MTHFD1L: variants seen among roughly 807,000 people sequenced by gnomAD.
MTHFD1L encodes the protein monofunctional C1-tetrahydrofolate synthase, mitochondrial.
Under a neutral mutation model 119.5 loss-of-function variants are expected in MTHFD1L, and 81 were observed. The observed-to-expected ratio is 0.68, with a 90% confidence interval of 0.57 to 0.82. MTHFD1L has a LOEUF of 0.82. Ranked by LOEUF, MTHFD1L falls within the 40% of genes least tolerant of loss-of-function variation. The pLI, the probability that MTHFD1L is intolerant of heterozygous loss-of-function variation, is 0.00. For synonymous variants in MTHFD1L, 430 were observed against 475.2 expected (o/e 0.90, Z 1.24); for missense variants, 1,125 against 1,253.4 (o/e 0.90, Z 1.55).
chr6:150,867,023 T>C (rs1291036418), intron 1 of MTHFD1L, among the ~76,000 whole-genome samples: 1 of 152,200 alleles, frequency 6.6e-6, no homozygotes, highest in African/African-American at 2.4e-5. Context: ...TCTAGCCTTC[T>C]TTCTTAGTCA....
At chr6:150,992,191 C>T (rs1779148300) in intron 20 of MTHFD1L, among the ~76,000 whole-genome samples, 1 of 152,128 alleles carries the variant, frequency 6.6e-6, no homozygotes, top group Admixed American at 6.6e-5. Context: ...AGGACTCCTT[C>T]GTCAGTAAGA....
intron 20 of MTHFD1L, among the ~76,000 whole-genome samples, chr6:150,998,814 T>G: frequency 1.1e-5 from 1 of 90,468 alleles, no homozygotes; most frequent in Non-Finnish European, 2.0e-5. Flanking sequence ...CTGTCTCCTC[T>G]AAAAATACAA....
intron 20 of MTHFD1L, among the ~76,000 whole-genome samples, chr6:151,008,920 C>G (rs1781786634): frequency 6.6e-6 from 1 of 150,834 alleles, no homozygotes; most frequent in South Asian, 2.1e-4. Flanking sequence ...ACTTTGAGAC[C>G]AGCCTGGCCA....
chr6:150,892,437 T>A (rs1783459522), intron 7 of MTHFD1L, among the ~76,000 whole-genome samples: 1 of 152,224 alleles, frequency 6.6e-6, no homozygotes, highest in South Asian at 2.1e-4. Context: ...GTAACATTCT[T>A]GTTTTCATAT....
At chr6:151,037,542 C>T (rs114806933) in intron 26 of MTHFD1L, among the ~76,000 whole-genome samples, 3 of 152,216 alleles carry the variant, frequency 2.0e-5, no homozygotes, top group African/African-American at 4.8e-5. Flanking sequence ...GAAAGCAGTC[C>T]TCACCCTCTC....
At chr6:151,083,534 T>C (rs1042432459) in intron 26 of MTHFD1L, among the ~76,000 whole-genome samples, 4 of 152,200 alleles carry the variant, frequency 2.6e-5, no homozygotes, top group Admixed American at 6.5e-5. Context: ...GGCCTTTCTT[T>C]TATCTTTCTG....
intron 18 of MTHFD1L, among the ~76,000 whole-genome samples, chr6:150,961,488 G>A (rs184058532): frequency 1.3e-3 from 192 of 152,320 alleles, no homozygotes; most frequent in African/African-American, 4.4e-3. Flanking sequence ...AGGCCTCTAA[G>A]ATAGCCATTA....
rs1279035525 is a variant in MTHFD1L at position 150,926,307 on chromosome 6, T to A, written c.1256+12T>A. 1 of 1,600,564 alleles carries A rather than the reference T, an allele frequency of 6.2e-7. No homozygotes were observed. The highest frequency in any genetic ancestry group is 8.5e-7 in the Non-Finnish European group (1 of 1,169,898). The stretch of plus-strand genomic sequence containing the variant: ...GTCTTAGTTGCTGGGTAAGACACCA[T>A]CTAACATCTACTTGATCAAGCAGAC... On this transcript the variant is annotated intron_variant, in intron 11 of 27. Coordinates refer to ENST00000367321, the MANE Select transcript of MTHFD1L (RefSeq NM_015440.5). This position sits in a 1 kb window ranked among gnomAD's most constrained non-coding sequence, Gnocchi z 4.3.
At chr6:151,016,659 G>A (rs544010358) in intron 24 of MTHFD1L, 50 of 169,214 alleles carry the variant, frequency 3.0e-4, no homozygotes, top group Non-Finnish European at 4.8e-4. Context: ...TTTCTCTTGT[G>A]GTTTTATTGA....
At position 150,866,477 on chromosome 6, in the gene MTHFD1L, C is replaced by T. The variant is rs555370285; in HGVS notation, c.227+428C>T. On this transcript the variant is annotated intron_variant, in intron 1 of 27. Coordinates refer to ENST00000367321, the MANE Select transcript of MTHFD1L (RefSeq NM_015440.5). ...GCTGCGGCTCGGCGCGCCGGCTGGC[C>T]CGGGGTTCGGGAAGGGCAAGCGGAG... is the stretch of plus-strand genomic sequence containing the variant. The T allele has an allele frequency of 1.7e-4, 218 of 1,317,958 alleles. 2 individuals carry two copies. In the East Asian group the frequency reaches 5.2e-3, roughly 32 times the overall value. 81.6% of individuals were successfully genotyped at this position (1,317,958 alleles called of 1,614,324 possible).
intron 25 of MTHFD1L, among the ~76,000 whole-genome samples, chr6:151,036,133 G>A (rs895776979): frequency 6.6e-6 from 1 of 152,186 alleles, no homozygotes; most frequent in Non-Finnish European, 1.5e-5. Flanking sequence ...TAAAAGTGAT[G>A]TCAACCGGGC....
At chr6:150,990,055 G>A (rs1188314342) in intron 20 of MTHFD1L, among the ~76,000 whole-genome samples, 1 of 152,212 alleles carries the variant, frequency 6.6e-6, no homozygotes, top group African/African-American at 2.4e-5. Flanking sequence ...AAGGTGGGCA[G>A]ATCACTTGAG....
At chr6:150,920,929 C>T (rs1241985059) in intron 9 of MTHFD1L, among the ~76,000 whole-genome samples, 4 of 144,072 alleles carry the variant, frequency 2.8e-5, no homozygotes, top group African/African-American at 5.2e-5. Context: ...CATGCCACCA[C>T]ACCCAGATAA....
At chr6:150,866,480 G>T (rs1254141126) in intron 1 of MTHFD1L, 1 of 1,318,554 alleles carries the variant, frequency 7.6e-7, no homozygotes, top group Non-Finnish European at 9.6e-7. Context: ...GGCTGGCCCG[G>T]GGTTCGGGAA....
chr6:150,909,470 C>T (rs75163994), intron 8 of MTHFD1L, among the ~76,000 whole-genome samples: 7,299 of 152,042 alleles, frequency 0.048, 224 homozygotes, highest in Non-Finnish European at 0.074. Flanking sequence ...CTTGAACTCC[C>T]GGCCTCAAAT....
At chr6:150,887,162 A>T (rs182474078) in intron 6 of MTHFD1L, among the ~76,000 whole-genome samples, 34 of 152,302 alleles carry the variant, frequency 2.2e-4, no homozygotes, top group African/African-American at 7.9e-4. Flanking sequence ...AACATTCAGG[A>T]TATATATGCT....
At chr6:150,944,431 AAGCG>A in intron 13 of MTHFD1L, 51 bp from the exon 14 acceptor site, 1 of 1,365,410 alleles carries the variant, frequency 7.3e-7, no homozygotes, top group Non-Finnish European at 1.0e-6. Flanking sequence ...CTGGGCAACA[AAGCG>A]AGACCCTATT....
intron 20 of MTHFD1L, among the ~76,000 whole-genome samples, chr6:150,999,624 A>G (rs949964670): frequency 6.6e-6 from 1 of 152,238 alleles, no homozygotes; most frequent in African/African-American, 2.4e-5. Context: ...AATTTATTAC[A>G]TGTATAATCA....
intron 24 of MTHFD1L, among the ~76,000 whole-genome samples, chr6:151,033,201 C>T (rs1785599211): frequency 6.6e-6 from 1 of 151,758 alleles, no homozygotes; most frequent in African/African-American, 2.4e-5. Flanking sequence ...CTCACTGCAA[C>T]CTCTGCCTCC....
Sources: allele counts gnomAD v4.1 joint callset (sites outside exome capture counted in the v4.1 genomes callset), GRCh38; gene constraint gnomAD v4.1.1; non-coding constraint Gnocchi (gnomAD v3.1); transcripts MANE v1.5; gene names NCBI Gene and HGNC (gene_info 2026-07-23, HGNC 2026-07-21).